Variants in PIGK observed in about 807,000 individuals in gnomAD.
PIGK encodes phosphatidylinositol glycan anchor biosynthesis class K.
PIGK carries 42 observed loss-of-function variants against 50.6 expected under a neutral mutation model. That is an observed-to-expected ratio of 0.83 (90% confidence interval 0.65 to 1.07). The LOEUF (loss-of-function observed/expected upper bound fraction) is 1.07, where lower values mean the gene tolerates loss of function less well. Ranked by LOEUF, PIGK falls within the 50% of genes least tolerant of loss-of-function variation. The pLI is 0.00. For missense variants in PIGK, 448 were observed against 488.7 expected, an observed-to-expected ratio of 0.92 and a Z score of 0.78; for synonymous variants, 151 against 156.0, an observed-to-expected ratio of 0.97 and a Z score of 0.24.
intron 1 of PIGK, among the ~76,000 whole-genome samples, chr1:77,213,332 T>C (rs1656466181): frequency 6.6e-6 from 1 of 152,178 alleles, no homozygotes; most frequent in Non-Finnish European, 1.5e-5. Context: ...CAAGCCTCAG[T>C]GAATTTGAAA....
chr1:77,158,424 G>A (rs1225833369), intron 8 of PIGK, among the ~76,000 whole-genome samples: 1 of 152,056 alleles, frequency 6.6e-6, no homozygotes, highest in East Asian at 1.9e-4. Flanking sequence ...GCGGGTTACT[G>A]CTATTAAGAT....
At chr1:77,139,025 T>G (rs1193637078) in intron 9 of PIGK, among the ~76,000 whole-genome samples, 9 of 152,094 alleles carry the variant, frequency 5.9e-5, no homozygotes, top group Non-Finnish European at 1.3e-4. Context: ...TCCAGCCCAC[T>G]CTCTGATTGA....
chr1:77,121,906 G>A (rs1383547897), intron 10 of PIGK, among the ~76,000 whole-genome samples: 3 of 152,116 alleles, frequency 2.0e-5, no homozygotes, highest in Non-Finnish European at 2.9e-5. Flanking sequence ...TCTTTTTAGT[G>A]ACTCCAAAAA....
At chr1:77,136,209 C>A (rs942352748) in intron 9 of PIGK, among the ~76,000 whole-genome samples, 1 of 152,178 alleles carries the variant, frequency 6.6e-6, no homozygotes, top group African/African-American at 2.4e-5. Flanking sequence ...ACTGTACTAT[C>A]TTTTGGTTTC....
At chr1:77,176,705 A>G (rs1163862078) in intron 3 of PIGK, among the ~76,000 whole-genome samples, 1 of 152,160 alleles carries the variant, frequency 6.6e-6, no homozygotes. Flanking sequence ...AAGTCAAATT[A>G]CCTATGATAA....
At chr1:77,184,081 A>G (rs1262896605) in intron 3 of PIGK, among the ~76,000 whole-genome samples, 1 of 152,322 alleles carries the variant, frequency 6.6e-6, no homozygotes, top group East Asian at 1.9e-4. Context: ...CAAGGTGGCA[A>G]GGGCCAAGTG....
chr1:77,122,033 T>C (rs1354845440), intron 10 of PIGK, among the ~76,000 whole-genome samples: 1 of 152,212 alleles, frequency 6.6e-6, no homozygotes, highest in Non-Finnish European at 1.5e-5. Context: ...GCACAAAAGA[T>C]AATCCTTATT....
At chr1:77,136,083 C>T (rs1003218477) in intron 9 of PIGK, among the ~76,000 whole-genome samples, 1 of 152,184 alleles carries the variant, frequency 6.6e-6, no homozygotes, top group African/African-American at 2.4e-5. Context: ...ATACCAAACA[C>T]TCTCAGCTTT....
At position 77,129,371 on chromosome 1, in the gene PIGK, G is replaced by C. The variant is rs534432610; in HGVS notation, c.987-7012C>G. The C allele has an allele frequency of 5.7e-6, 9 of 1,573,774 alleles. No homozygotes were observed. In the East Asian group the frequency reaches 1.1e-4, roughly 20 times the overall value. ...GGACACAAGGTCGGTGGCCCAAAAA[G>C]AGTGCTGAATTTTTGCTGCACATGC... On this transcript the variant is annotated intron_variant, in intron 9 of 10. Coordinates refer to ENST00000370812, the MANE Select transcript of PIGK (RefSeq NM_005482.3).
intron 10 of PIGK, among the ~76,000 whole-genome samples, chr1:77,095,811 A>G (rs1235849059): frequency 6.6e-6 from 1 of 152,166 alleles, no homozygotes; most frequent in African/African-American, 2.4e-5. Flanking sequence ...AGAACCAGTC[A>G]CTTGGAACCA....
intron 8 of PIGK, among the ~76,000 whole-genome samples, 154 bp downstream of exon 8, chr1:77,161,141 T>C (rs1405601021): frequency 6.6e-6 from 1 of 152,194 alleles, no homozygotes; most frequent in Non-Finnish European, 1.5e-5. Flanking sequence ...AGAGAAATAC[T>C]AATATACAGG....
intron 5 of PIGK, among the ~76,000 whole-genome samples, chr1:77,165,602 A>G (rs1246953760): frequency 1.5e-5 from 2 of 136,130 alleles, no homozygotes; most frequent in African/African-American, 6.5e-5. Context: ...GCAACTGGTG[A>G]TAAAAAAAAA....
rs141736245 is a variant in PIGK, at chr1:77,193,488, C to T, written c.239+13152G>A. ...AAGAATCATTGCACTCTGGAAAGCC[C>T]GAAGATATGTCTTTCTCCTCAGGCA... On this transcript the variant is annotated intron_variant, in intron 3 of 10. Coordinates refer to ENST00000370812, the MANE Select transcript of PIGK (RefSeq NM_005482.3). 2.6e-3 allele frequency among the ~76,000 whole-genome samples: 390 copies of T among 152,176 alleles called. 2 individuals are homozygous for T. The highest frequency in any genetic ancestry group is 8.3e-3 in the African/African-American group (346 of 41,518).
rs186764533 is a variant in PIGK, at chr1:77,165,231, A to G, written c.488-1289T>C. Among the ~76,000 whole-genome samples the G allele has an allele frequency of 3.9e-5, 6 of 152,302 alleles. No homozygotes were observed. The East Asian group carries it at 1.2e-3, about 29-fold the overall frequency. Reference sequence around the variant, plus strand: ...AAACAAACAAAAAATAATAATAATAAATCCTTTAGTTTAGTACATCAAATA... The same window carrying G: ...AAACAAACAAAAAATAATAATAATAGATCCTTTAGTTTAGTACATCAAATA... On this transcript the variant is annotated intron_variant, in intron 5 of 10. Transcript: ENST00000370812.
At chr1:77,184,525 ATCAGACATT>A (rs1189774684) in intron 3 of PIGK, among the ~76,000 whole-genome samples, 1 of 152,200 alleles carries the variant, frequency 6.6e-6, no homozygotes, top group Non-Finnish European at 1.5e-5. Context: ...AAGGGAAATG[ATCAGACATT>A]TCAGGAACTA....
intron 10 of PIGK, among the ~76,000 whole-genome samples, chr1:77,100,765 GC>G (rs1422027229): frequency 1.3e-5 from 2 of 152,218 alleles, no homozygotes; most frequent in African/African-American, 4.8e-5. Context: ...TAGCCAAGAT[GC>G]TCTCCTGTTG....
intron 8 of PIGK, among the ~76,000 whole-genome samples, chr1:77,158,677 G>T (rs1655066761): frequency 1.3e-5 from 2 of 152,144 alleles, no homozygotes; most frequent in African/African-American, 4.8e-5. Flanking sequence ...TTTTGCCCCT[G>T]CCCTAGAGAT....
chr1:77,137,930 T>G (rs1654559146), intron 9 of PIGK, among the ~76,000 whole-genome samples: 1 of 152,134 alleles, frequency 6.6e-6, no homozygotes. Context: ...ATAATTTAAA[T>G]GGTTATTTTG....
intron 3 of PIGK, among the ~76,000 whole-genome samples, chr1:77,189,734 TATATATATATATATACACACACAC>T (rs1359897812): frequency 1.3e-3 from 42 of 32,302 alleles, no homozygotes; most frequent in African/African-American, 6.0e-3. Flanking sequence ...TATATATATA[TATATATATATATATACACACACAC>T]ACACACACAC....
Sources: allele counts gnomAD v4.1 joint callset (sites outside exome capture counted in the v4.1 genomes callset), GRCh38; gene constraint gnomAD v4.1.1; transcripts MANE v1.5; gene names NCBI Gene and HGNC (gene_info 2026-07-23, HGNC 2026-07-21).